Variants in CAPRIN2 observed in about 807,000 individuals in gnomAD.
CAPRIN2 encodes caprin family member 2.
Under a neutral mutation model 130.4 loss-of-function variants are expected in CAPRIN2, and 66 were observed. The ratio of observed to expected loss-of-function variants is 0.51; its 90% CI spans 0.42 to 0.62. The LOEUF is 0.62. CAPRIN2 is among the 20% of genes least tolerant of loss of function. The pLI, the probability that CAPRIN2 is intolerant of heterozygous loss-of-function variation, is 0.00. For synonymous variants in CAPRIN2, 471 were observed against 444.1 expected (o/e 1.06, Z -0.76); for missense variants, 1,185 against 1,246.6 (o/e 0.95, Z 0.74).
intron 4 of CAPRIN2, among the ~76,000 whole-genome samples, chr12:30,734,727 A>C (rs1225614703): frequency 6.6e-6 from 1 of 152,120 alleles, no homozygotes; most frequent in Non-Finnish European, 1.5e-5. Context: ...AAGCATGTTA[A>C]TGAGACCATT....
intron 9 of CAPRIN2, among the ~76,000 whole-genome samples, chr12:30,725,615 G>A (rs575611582): frequency 1.0e-3 from 153 of 152,206 alleles, no homozygotes; most frequent in Middle Eastern, 3.4e-3. Context: ...CTCATTTTCT[G>A]TATCTGTACT....
exon 8 of CAPRIN2, chr12:30,728,756 A>G: frequency 6.2e-7 from 1 of 1,614,128 alleles, no homozygotes; most frequent in Non-Finnish European, 8.5e-7. Context: ...GTGATGTTAA[A>G]GAGTGTTTTT....
At position 30,716,494 on chromosome 12, in the gene CAPRIN2, T is replaced by C. The variant is rs1406505635; in HGVS notation, c.2317+14A>G. On this transcript the variant is annotated intron_variant, in intron 13 of 16. Transcript: ENST00000298892. Reference sequence around the variant, plus strand: ...CCCTCTAAGTCTTCCAAATATCATATGCAAAGATCTTACCAGTCTCTTGAG... The same window carrying C: ...CCCTCTAAGTCTTCCAAATATCATACGCAAAGATCTTACCAGTCTCTTGAG... 6.2e-7 allele frequency: 1 copy of C among 1,611,114 alleles called. No individual in the cohort carries two copies. Among genetic ancestry groups the C allele is most frequent in the Non-Finnish European group, 8.5e-7 (1 of 1,177,706 alleles).
At chr12:30,754,869 T>A (rs1424581261), upstream of CAPRIN2, 2 of 152,012 alleles carry the variant, frequency 1.3e-5, no homozygotes, top group Non-Finnish European at 2.9e-5. Context: ...CTCCTCCTCC[T>A]GTCTCCTCCC....
chr12:30,719,071 A>T lies in CAPRIN2; in HGVS notation c.2148+1740T>A. The T allele has an allele frequency of 6.2e-7, 1 of 1,612,660 alleles. No individual in the cohort carries two copies. The highest frequency in any genetic ancestry group is 8.5e-7 in the Non-Finnish European group (1 of 1,179,124). On this transcript the variant is annotated intron_variant, in intron 12 of 16. Coordinates refer to ENST00000298892, the Ensembl canonical transcript of CAPRIN2. Reference sequence around the variant, plus strand: ...GAACTGCAATCATCATTCATGTTTCATACTCACTGTCTGCATGGCTTGAAA... The same window carrying T: ...GAACTGCAATCATCATTCATGTTTCTTACTCACTGTCTGCATGGCTTGAAA...
intron 5 of CAPRIN2, 88 bp downstream of exon 6, chr12:30,733,541 A>G: frequency 1.2e-6 from 1 of 846,778 alleles, no homozygotes; most frequent in Non-Finnish European, 2.0e-6. Context: ...CTGATGGACT[A>G]ACACAGTTTA....
rs767522818 is a variant in CAPRIN2 at position 30,753,539 on chromosome 12, C to A, written c.225G>T (p.Glu75Asp). ...ACTTCATATTCCCCTCTCTTTCCTC[C>A]TCTGAATGGCCTGAAGGTGACTGGT... The change falls in exon 1 of 17, where the codon GAG (glutamate) becomes GAT (aspartate). Residue 75 changes from glutamate (E) to aspartate (D), a missense_variant. In the 5' UTR this introduces an upstream ATG that the reference lacks. Coordinates refer to ENST00000298892, the Ensembl canonical transcript of CAPRIN2. 6.2e-7 allele frequency: 1 copy of A among 1,614,144 alleles called. No homozygotes were observed. Among genetic ancestry groups the A allele is most frequent in the Non-Finnish European group, 8.5e-7 (1 of 1,180,036 alleles).
rs548982511 is a variant in CAPRIN2 at position 30,752,175 on chromosome 12, T to C, written c.421-1042A>G. On this transcript the variant is annotated intron_variant, in intron 1 of 16. Transcript: ENST00000298892. ...GACCTCAGGTGATCTACCTGCCTTG[T>C]CCTCCCAAAGCGCAGGGATTACAGG... 5.3e-5 allele frequency among the ~76,000 whole-genome samples: 8 copies of C among 152,012 alleles called. 1 individual carries two copies. Among genetic ancestry groups the C allele is most frequent in the African/African-American group, 1.9e-4 (8 of 41,442 alleles).
chr12:30,729,822 G>A (rs1460295507), intron 7 of CAPRIN2, among the ~76,000 whole-genome samples: 1 of 152,140 alleles, frequency 6.6e-6, no homozygotes, highest in Middle Eastern at 3.2e-3. Flanking sequence ...AGCTTCCCAT[G>A]AATTTCAATG....
chr12:30,713,945 G>T, intron 14 of CAPRIN2, 60 bp from the exon 17 acceptor site: 1 of 985,164 alleles, frequency 1.0e-6, no homozygotes, highest in Non-Finnish European at 1.6e-6. Context: ...CTTTTAAACA[G>T]TCTAATTCTA....
intron 11 of CAPRIN2, among the ~76,000 whole-genome samples, chr12:30,722,839 C>T (rs112429031): frequency 0.16 from 24,398 of 152,022 alleles, 2,682 homozygotes; most frequent in Middle Eastern, 0.3. Context: ...GCAGACCAGA[C>T]GCTGCAGTGA....
At chr12:30,737,319 T>C (rs1565658290) in intron 3 of CAPRIN2, among the ~76,000 whole-genome samples, 2 of 152,278 alleles carry the variant, frequency 1.3e-5, no homozygotes, top group South Asian at 4.1e-4. Context: ...GCATCTATGA[T>C]GACAGGGACT....
chr12:30,731,230 C>T, intron 6 of CAPRIN2, 113 bp downstream of exon 7: 1 of 681,556 alleles, frequency 1.5e-6, no homozygotes, highest in South Asian at 2.5e-5. Context: ...TAAAGATTTC[C>T]ATGCATGTAG....
chr12:30,728,570 A>AT, intron 8 of CAPRIN2, 78 bp downstream of exon 9: 1 of 1,245,212 alleles, frequency 8.0e-7, no homozygotes, highest in Non-Finnish European at 1.1e-6. Context: ...AAAAAAAAAA[A>AT]GAGAACTAAA....
intron 7 of CAPRIN2, among the ~76,000 whole-genome samples, chr12:30,729,533 A>G (rs1172599732): frequency 2.0e-5 from 3 of 152,202 alleles, no homozygotes; most frequent in African/African-American, 7.2e-5. Context: ...AATTAACAGA[A>G]ATACAGACTT....
intron 3 of CAPRIN2, among the ~76,000 whole-genome samples, chr12:30,735,513 C>G (rs1387255992): frequency 6.6e-6 from 1 of 152,174 alleles, no homozygotes; most frequent in Non-Finnish European, 1.5e-5. Flanking sequence ...TTCATTTCAA[C>G]ATTTTACTCT....
At chr12:30,740,900 T>A in intron 3 of CAPRIN2, 120 bp downstream of exon 4, 1 of 637,222 alleles carries the variant, frequency 1.6e-6, no homozygotes, top group Non-Finnish European at 2.8e-6. Context: ...CACGATAAAA[T>A]ATCAGCAGAA....
chr12:30,726,340 CT>C (rs1450642193), intron 8 of CAPRIN2, among the ~76,000 whole-genome samples: 1 of 152,030 alleles, frequency 6.6e-6, no homozygotes, highest in Non-Finnish European at 1.5e-5. Context: ...GCAGAACTTC[CT>C]TGTTAAGAGT....
At chr12:30,752,570 G>GT (rs1221302123) in intron 1 of CAPRIN2, among the ~76,000 whole-genome samples, 1 of 98,934 alleles carries the variant, frequency 1.0e-5, no homozygotes, top group Admixed American at 8.8e-5. Flanking sequence ...ACTTTCTTAG[G>GT]TTAAAAAAAA....
Sources: allele counts gnomAD v4.1 joint callset (sites outside exome capture counted in the v4.1 genomes callset), GRCh38; gene constraint gnomAD v4.1.1; transcripts MANE v1.5; gene names NCBI Gene and HGNC (gene_info 2026-07-23, HGNC 2026-07-21).